Variants in DNAH6 observed in about 807,000 individuals in gnomAD.
DNAH6 encodes the protein axonemal beta dynein heavy chain 6.
In DNAH6, 340 loss-of-function variants were observed where a neutral mutation model predicts 491.4. That is an observed-to-expected ratio of 0.69 (90% CI 0.63 to 0.76). DNAH6 has a LOEUF of 0.76. Ranked by LOEUF, DNAH6 falls within the 30% of genes least tolerant of loss-of-function variation. DNAH6 has a pLI of 0.00. For synonymous variants in DNAH6, 1,603 were observed against 1,686.1 expected, an observed-to-expected ratio of 0.95 and a Z score of 1.21; for missense variants, 4,443 against 4,972.2, an observed-to-expected ratio of 0.89 and a Z score of 3.20.
chr2:84,707,806 T>C (rs1273601888), intron 54 of DNAH6, 90 bp downstream of exon 54: 1 of 953,750 alleles, frequency 1.0e-6, no homozygotes, highest in East Asian at 2.6e-5. Flanking sequence ...AGATGGAGGC[T>C]CTCCACTGTA....
chr2:84,771,693 G>A (rs936936900), intron 64 of DNAH6, among the ~76,000 whole-genome samples: 6 of 152,220 alleles, frequency 3.9e-5, no homozygotes, highest in Non-Finnish European at 5.9e-5. Flanking sequence ...GTGGGGGAAA[G>A]AGGGACTGTT....
intron 63 of DNAH6, among the ~76,000 whole-genome samples, chr2:84,760,963 A>T (rs1454185364): frequency 1.3e-5 from 2 of 152,198 alleles, no homozygotes; most frequent in Non-Finnish European, 2.9e-5. Flanking sequence ...CAGTCTCACT[A>T]CTAGGTATCT....
At position 84,686,849 on chromosome 2, in the gene DNAH6, A is replaced by G. The variant is rs1694307954; in HGVS notation, c.7137+292A>G. 2.0e-5 allele frequency among the ~76,000 whole-genome samples: 3 copies of G among 152,204 alleles called. No homozygotes were observed. In the South Asian group the frequency reaches 6.2e-4, roughly 31 times the overall value. On this transcript the variant is annotated intron_variant, in intron 44 of 76. Transcript: ENST00000389394. ...AAAGACCATATGACCTGCAAAGCCT[A>G]AAATATTTACTATCAGACCCTTTAC... is the stretch of plus-strand genomic sequence containing the variant.
rs1683843072 is a variant in DNAH6, at chr2:84,589,069, A to C, written c.2610+115A>C. ...TTCAATATTTGGACAACTATGTGCT[A>C]GTCAGCATGCTACAAATAGTCTCAA... On this transcript the variant is annotated intron_variant, in intron 16 of 76. Transcript: ENST00000389394. 2.5e-5 allele frequency: 24 copies of C among 963,550 alleles called. 1 individual carries two copies. In the South Asian group the frequency reaches 5.8e-4, roughly 23 times the overall value. 59.7% of individuals were successfully genotyped at this position (963,550 alleles called of 1,614,324 possible).
intron 2 of DNAH6, among the ~76,000 whole-genome samples, chr2:84,519,011 C>T (rs1275178205): frequency 6.6e-6 from 1 of 152,106 alleles, no homozygotes; most frequent in African/African-American, 2.4e-5. Flanking sequence ...TACCACTGCA[C>T]TCCAGCCTGG....
At chr2:84,643,948 G>GTATTAT (rs1341367096) in intron 33 of DNAH6, among the ~76,000 whole-genome samples, 1 of 151,482 alleles carries the variant, frequency 6.6e-6, no homozygotes, top group Non-Finnish European at 1.5e-5. Context: ...TTGCCTTTTA[G>GTATTAT]TATGCCTCAT....
chr2:84,540,847 G>C (rs1678175754), intron 4 of DNAH6, among the ~76,000 whole-genome samples: 2 of 151,984 alleles, frequency 1.3e-5, no homozygotes. Context: ...TATATTTTTT[G>C]CAAGTATGAG....
the DNAH6 span, among the ~76,000 whole-genome samples, chr2:84,477,404 T>G: frequency 6.6e-6 from 1 of 152,100 alleles, no homozygotes; most frequent in South Asian, 2.1e-4. Context: ...TCAGCTTTTT[T>G]CCCAACACTA....
At chr2:84,467,120 T>C in the DNAH6 span, among the ~76,000 whole-genome samples, 1 of 152,218 alleles carries the variant, frequency 6.6e-6, no homozygotes, top group Non-Finnish European at 1.5e-5. Flanking sequence ...TGAATACCCC[T>C]TTAACTTTAG....
At chr2:84,612,035 A>C (rs1686392722) in intron 22 of DNAH6, among the ~76,000 whole-genome samples, 181 bp downstream of exon 22, 1 of 152,064 alleles carries the variant, frequency 6.6e-6, no homozygotes, top group Admixed American at 6.6e-5. Context: ...AGCAATGTCA[A>C]CGGAACACTG....
intron 59 of DNAH6, among the ~76,000 whole-genome samples, chr2:84,721,443 G>T (rs1199830344): frequency 6.6e-6 from 1 of 152,128 alleles, no homozygotes; most frequent in Admixed American, 6.5e-5. Flanking sequence ...CTGGTGGGCT[G>T]GGGTAAATAG....
intron 18 of DNAH6, among the ~76,000 whole-genome samples, chr2:84,600,428 A>G (rs1685102412): frequency 6.6e-6 from 1 of 152,094 alleles, no homozygotes; most frequent in Non-Finnish European, 1.5e-5. Flanking sequence ...TTTACCTAAC[A>G]TCCTTTTCTT....
intron 12 of DNAH6, among the ~76,000 whole-genome samples, chr2:84,575,225 T>C (rs1309329925): frequency 6.6e-6 from 1 of 152,152 alleles, no homozygotes; most frequent in Admixed American, 6.5e-5. Context: ...TTAGCACATA[T>C]TGTAGATCCT....
chr2:84,462,293 A>T, the DNAH6 span, among the ~76,000 whole-genome samples: 2 of 152,230 alleles, frequency 1.3e-5, no homozygotes, highest in African/African-American at 4.8e-5. Context: ...TCAAGGACTC[A>T]AAAGAATGCA....
At chr2:84,669,174 A>C in intron 37 of DNAH6, 115 bp from the exon 38 acceptor site, 6 of 773,456 alleles carry the variant, frequency 7.8e-6, no homozygotes, top group Non-Finnish European at 1.3e-5. Context: ...AGGAAAAAGA[A>C]ATCCAAATCC....
At chr2:84,583,473 A>G (rs1426893116) in intron 14 of DNAH6, among the ~76,000 whole-genome samples, 2 of 152,252 alleles carry the variant, frequency 1.3e-5, no homozygotes, top group African/African-American at 2.4e-5. Flanking sequence ...AGCAATGACT[A>G]TCATCCAGCA....
At chr2:84,512,467 A>G (rs1675373546), upstream of DNAH6, among the ~76,000 whole-genome samples, 1 of 152,200 alleles carries the variant, frequency 6.6e-6, no homozygotes, top group Non-Finnish European at 1.5e-5. Context: ...TTACGTCTCC[A>G]TTTTGACCTA....
At chr2:84,476,335 A>G in the DNAH6 span, among the ~76,000 whole-genome samples, 1,677 of 152,234 alleles carry the variant, frequency 0.011, 29 homozygotes, top group African/African-American at 0.039. Context: ...AGAATTTTGT[A>G]TAGCACCACC....
At chr2:84,760,533 T>C (rs1674472158) in intron 63 of DNAH6, among the ~76,000 whole-genome samples, 1 of 151,910 alleles carries the variant, frequency 6.6e-6, no homozygotes, top group South Asian at 2.1e-4. Context: ...GACATACAAA[T>C]GGCTAACAGG....
Sources: allele counts gnomAD v4.1 joint callset (sites outside exome capture counted in the v4.1 genomes callset), GRCh38; gene constraint gnomAD v4.1.1; transcripts MANE v1.5; gene names NCBI Gene and HGNC (gene_info 2026-07-23, HGNC 2026-07-21).